DMD: variants seen among roughly 807,000 people sequenced by gnomAD.
DMD encodes dystrophin.
In DMD, 63 loss-of-function variants were observed where a neutral mutation model predicts 330.1. That is an observed-to-expected ratio of 0.19 (90% CI 0.16 to 0.24). The LOEUF (loss-of-function observed/expected upper bound fraction) is 0.24. Among genes scored for constraint, DMD ranks in the 10% least tolerant of loss-of-function variants. The pLI is 1.00. For synonymous variants in DMD, 1,223 were observed against 959.8 expected, an observed-to-expected ratio of 1.27 and a Z score of -5.07; for missense variants, 3,344 against 2,684.1, an observed-to-expected ratio of 1.25 and a Z score of -5.43.
At chrX:33,249,931 T>A (rs193263025) in intron 1 of DMD, among the ~76,000 whole-genome samples, 4,011 of 109,371 alleles carry the variant, frequency 0.037, 215 homozygotes, top group African/African-American at 0.13. Context: ...TTTTATTAAA[T>A]TTATTGGATT....
At chrX:33,322,109 TG>T (rs755308973) in intron 1 of DMD, among the ~76,000 whole-genome samples, 2 of 111,741 alleles carry the variant, frequency 1.8e-5, no homozygotes, top group South Asian at 7.4e-4. Context: ...CATGTGTGCA[TG>T]GGGGTAACAC....
chrX:33,201,486 A>G (rs9785469), intron 1 of DMD, among the ~76,000 whole-genome samples: 2,274 of 111,060 alleles, frequency 0.02, 54 homozygotes, highest in African/African-American at 0.072. Flanking sequence ...GTTATCGTAC[A>G]GAGTGCACAT....
At chrX:33,293,862 G>A (rs888416269) in intron 1 of DMD, among the ~76,000 whole-genome samples, 7 of 111,149 alleles carry the variant, frequency 6.3e-5, no homozygotes, top group African/African-American at 2.0e-4. Context: ...TCTCAGCACC[G>A]TTTGTTTAAA....
chrX:33,235,651 G>A (rs2052463740), intron 1 of DMD, among the ~76,000 whole-genome samples: 1 of 110,292 alleles, frequency 9.1e-6, no homozygotes, highest in Admixed American at 9.7e-5. Flanking sequence ...TCACAATCGA[G>A]TCTCAGAGGT....
chrX:31,547,835 G>T (rs2147711848), intron 55 of DMD, among the ~76,000 whole-genome samples: 1 of 112,202 alleles, frequency 8.9e-6, no homozygotes, highest in African/African-American at 3.2e-5. Flanking sequence ...TGGAATATAT[G>T]AAAGAGATAA....
At chrX:32,390,486 A>G (rs1195133185) in intron 30 of DMD, among the ~76,000 whole-genome samples, 1 of 111,789 alleles carries the variant, frequency 8.9e-6, no homozygotes, top group Non-Finnish European at 1.9e-5. Context: ...TTGAGTCAAT[A>G]TCAACTATTT....
intron 1 of DMD, among the ~76,000 whole-genome samples, chrX:33,025,841 G>A (rs1447648518): frequency 1.8e-5 from 2 of 111,955 alleles, no homozygotes; most frequent in Non-Finnish European, 3.8e-5. Context: ...CTACAGGCAT[G>A]AGCCACCACA....
chrX:32,542,108 C>T (rs752092240), intron 17 of DMD, among the ~76,000 whole-genome samples: 6 of 110,481 alleles, frequency 5.4e-5, no homozygotes, highest in African/African-American at 9.9e-5. Context: ...GAGCCAGGCT[C>T]GAATCAATGA....
intron 17 of DMD, among the ~76,000 whole-genome samples, chrX:32,535,636 A>T (rs1276376981): frequency 2.7e-5 from 3 of 111,273 alleles, no homozygotes; most frequent in African/African-American, 9.8e-5. Context: ...CAGCTTCCTT[A>T]CGTTACTAGT....
intron 43 of DMD, among the ~76,000 whole-genome samples, chrX:32,285,405 TAA>T (rs2097436227): frequency 8.9e-6 from 1 of 111,830 alleles, no homozygotes; most frequent in African/African-American, 3.3e-5. Flanking sequence ...GGTGGCGATA[TAA>T]GTTTATTCAA....
At position 31,654,571 on chromosome X, in the gene DMD, G is replaced by A. The variant is rs926496237; in HGVS notation, c.8027+3419C>T. ...CAACACAAATACCATGGAATACTAC[G>A]TAGCCATAAAAAAAGAATGAGATCA... On this transcript the variant is annotated intron_variant, in intron 54 of 78. Coordinates refer to ENST00000357033, the MANE Select transcript of DMD (RefSeq NM_004006.3). Among the ~76,000 whole-genome samples the A allele has an allele frequency of 4.5e-3, 507 of 111,768 alleles. 2 individuals are homozygous for A. Among genetic ancestry groups the A allele is most frequent in the Non-Finnish European group, 5.6e-3 (296 of 53,085 alleles).
intron 44 of DMD, among the ~76,000 whole-genome samples, chrX:31,986,878 T>G (rs1182312021): frequency 3.6e-5 from 4 of 112,459 alleles, no homozygotes; most frequent in Non-Finnish European, 7.5e-5. Flanking sequence ...CCTATATGCA[T>G]GTTCACATTG....
intron 45 of DMD, among the ~76,000 whole-genome samples, chrX:31,941,909 C>T (rs980391759): frequency 7.1e-5 from 8 of 111,911 alleles, no homozygotes; most frequent in African/African-American, 2.0e-4. Context: ...ATGTATACCA[C>T]GTTTATTTCA....
intron 1 of DMD, among the ~76,000 whole-genome samples, chrX:33,177,378 T>C (rs931719804): frequency 9.0e-6 from 1 of 110,800 alleles, no homozygotes; most frequent in Non-Finnish European, 1.9e-5. Flanking sequence ...GAAATTTTAT[T>C]TTATTTTGTT....
intron 62 of DMD, among the ~76,000 whole-genome samples, chrX:31,317,925 G>A (rs972428141): frequency 2.7e-5 from 3 of 112,113 alleles, no homozygotes; most frequent in African/African-American, 9.7e-5. Context: ...TATTTAACAC[G>A]TTGATTGCTG....
intron 52 of DMD, among the ~76,000 whole-genome samples, chrX:31,710,314 A>C (rs991831157): frequency 8.9e-6 from 1 of 111,755 alleles, no homozygotes; most frequent in Non-Finnish European, 1.9e-5. Context: ...GTAAAGCTGT[A>C]TATCTGTATA....
intron 51 of DMD, among the ~76,000 whole-genome samples, chrX:31,753,269 T>TATCA (rs1188323833): frequency 8.9e-6 from 1 of 112,258 alleles, no homozygotes; most frequent in Admixed American, 9.5e-5. Flanking sequence ...TGCTGCTTTC[T>TATCA]ATCATTTTCA....
intron 64 of DMD, among the ~76,000 whole-genome samples, chrX:31,221,777 C>T (rs1464605306): frequency 3.5e-5 from 4 of 112,774 alleles, no homozygotes; most frequent in African/African-American, 9.7e-5. Flanking sequence ...CCTGTTGGGC[C>T]GGGCGCATTG....
chrX:31,131,001 C>G (rs2034415320), intron 77 of DMD, among the ~76,000 whole-genome samples: 1 of 111,971 alleles, frequency 8.9e-6, no homozygotes, highest in Admixed American at 9.5e-5. Flanking sequence ...TGTCAGACCT[C>G]TGGCTCTCAC....
Sources: allele counts gnomAD v4.1 joint callset (sites outside exome capture counted in the v4.1 genomes callset), GRCh38; gene constraint gnomAD v4.1.1; transcripts MANE v1.5; gene names NCBI Gene and HGNC (gene_info 2026-07-23, HGNC 2026-07-21).